The following NRN1 variants were observed in gnomAD, a reference collection of about 807,000 sequenced individuals.
The protein encoded by NRN1 is neuritin.
Under a neutral mutation model 15.0 loss-of-function variants are expected in NRN1, and 4 were observed. The observed-to-expected ratio is 0.27, with a 90% CI of 0.13 to 0.61. The LOEUF is 0.61. Ranked by LOEUF, NRN1 falls within the 20% of genes least tolerant of loss-of-function variation. The pLI is 0.87. For missense variants in NRN1, 134 were observed against 181.9 expected, an observed-to-expected ratio of 0.74 and a Z score of 1.51; for synonymous variants, 85 against 79.8, an observed-to-expected ratio of 1.07 and a Z score of -0.35.
intron 2 of NRN1, among the ~76,000 whole-genome samples, chr6:6,001,434 C>A (rs766142305): frequency 6.6e-6 from 1 of 152,142 alleles, no homozygotes; most frequent in Non-Finnish European, 1.5e-5. Flanking sequence ...AGGTCTGCAG[C>A]AGCTAGATTG....
At position 5,999,111 on chromosome 6, in the gene NRN1, G is replaced by C. The variant is rs781210020; in HGVS notation, c.294C>G (p.Ser98=). ...AGCTGCCTTGGATGTTGAGGTTTTT[G>C]GATTCTTTTCTCAGTTTATCCCACA... The part of the protein sequence containing the change: ...KDMWDKLRKE[S]KNLNIQGSLF... The change falls in exon 3 of 3, where the codon TCC becomes TCG. Residue 98 remains serine, a synonymous_variant. Transcript: ENST00000244766. 35 of 1,614,040 alleles carry C rather than the reference G, an allele frequency of 2.2e-5. No homozygotes were observed. In the Admixed American group the frequency reaches 5.2e-4, roughly 24 times the overall value.
intron 1 of NRN1, chr6:6,004,172 G>T: frequency 3.2e-6 from 1 of 310,380 alleles, no homozygotes; most frequent in Non-Finnish European, 4.8e-6. Flanking sequence ...CGCTGGGGCA[G>T]ATACGTAAAC....
At chr6:6,001,059 G>T (rs1237760149) in intron 2 of NRN1, among the ~76,000 whole-genome samples, 1 of 152,140 alleles carries the variant, frequency 6.6e-6, no homozygotes, top group African/African-American at 2.4e-5. Flanking sequence ...TATCCATCAC[G>T]AGACTTTTAG....
chr6:6,003,598 G>A (rs1273227177), intron 1 of NRN1: 4 of 705,926 alleles, frequency 5.7e-6, no homozygotes, highest in East Asian at 6.8e-5. Flanking sequence ...GGAGGAGGAG[G>A]AGGAGGAGGA....
chr6:6,003,081 C>T (rs974353056), intron 1 of NRN1: 14 of 750,598 alleles, frequency 1.9e-5, no homozygotes, highest in Non-Finnish European at 2.4e-5. Context: ...GCTCAGCAAA[C>T]ACTGCTGAAT....
intron 2 of NRN1, among the ~76,000 whole-genome samples, chr6:6,001,265 A>G (rs1328473490): frequency 6.6e-6 from 1 of 152,244 alleles, no homozygotes; most frequent in African/African-American, 2.4e-5. Context: ...ACTTCACAGT[A>G]TACAAATGAT....
upstream of NRN1, among the ~76,000 whole-genome samples, chr6:6,007,173 G>C (rs1284086029): frequency 6.6e-6 from 1 of 152,054 alleles, no homozygotes; most frequent in Admixed American, 6.5e-5. Context: ...ACGAAATTTT[G>C]CCTCCCGGGG....
intron 1 of NRN1, chr6:6,004,141 AC>A: frequency 9.3e-6 from 6 of 643,868 alleles, no homozygotes; most frequent in Non-Finnish European, 1.2e-5. Context: ...TGGGGAAGGG[AC>A]CGAGGTTAAC....
Position 5,998,877 on chromosome 6 carries a change from A to G in NRN1, c.*99T>C. On this transcript the variant is annotated 3_prime_UTR_variant, in exon 3 of 3. Transcript: ENST00000244766. ...TATATGAGTGTTTTCAGCATCACAG[A>G]GAATCACAACGTCCCCAAAGAACTA... is the stretch of plus-strand genomic sequence containing the variant. 1.3e-6 allele frequency: 1 copy of G among 769,480 alleles called. No homozygotes were observed. The highest frequency in any genetic ancestry group is 2.1e-6 in the Non-Finnish European group (1 of 470,436). The allele number at this position is 769,480 out of a possible 1,614,324, so 47.7% of individuals were successfully genotyped here.
rs2151035130 is a variant in NRN1, at chr6:6,006,687, C to T, written c.55+8G>A. On this transcript the variant is annotated splice_region_variant and intron_variant, in intron 1 of 2. Transcript: ENST00000244766. Reference sequence around the variant, plus strand: ...TCCAGCCTCCAGCCGGGCTGAGCGGCCACTTACCTATTTGCACCGCGAGGA... The same window carrying T: ...TCCAGCCTCCAGCCGGGCTGAGCGGTCACTTACCTATTTGCACCGCGAGGA... The T allele has an allele frequency of 3.1e-6, 5 of 1,613,816 alleles. No individual in the cohort carries two copies. The highest frequency in any genetic ancestry group is 3.3e-4 in the Middle Eastern group (2 of 6,040).
At chr6:5,999,489 G>A (rs926979135) in intron 2 of NRN1, among the ~76,000 whole-genome samples, 1 of 152,256 alleles carries the variant, frequency 6.6e-6, no homozygotes, top group Non-Finnish European at 1.5e-5. Context: ...GCCGGGAGCC[G>A]GGCCGTGCAC....
In NRN1 at chr6:6,002,120, A is replaced by G. The variant is rs145931038; in HGVS notation, c.200+233T>C. ...CGCGTAGAGCTGGGACTGGGTCTAT[A>G]TTGAAGGATCCTCCTCCATATCCCA... On this transcript the variant is annotated intron_variant, in intron 2 of 2. Coordinates refer to ENST00000244766, the MANE Select transcript of NRN1 (RefSeq NM_016588.3). 2.3e-3 allele frequency among the ~76,000 whole-genome samples: 354 copies of G among 152,286 alleles called. 7 individuals are homozygous for G. In the East Asian group the frequency reaches 0.06, roughly 26 times the overall value.
chr6:6,001,553 A>C (rs114396677), intron 2 of NRN1, among the ~76,000 whole-genome samples: 2 of 151,890 alleles, frequency 1.3e-5, no homozygotes, highest in African/African-American at 4.8e-5. Flanking sequence ...ATGAACTACT[A>C]CCCATCTCTC....
At chr6:6,004,165 T>G (rs1758044124) in intron 1 of NRN1, 1 of 352,500 alleles carries the variant, frequency 2.8e-6, no homozygotes, top group Non-Finnish European at 4.0e-6. Context: ...CGACCTCCGC[T>G]GGGGCAGATA....
intron 1 of NRN1, chr6:6,003,053 G>C (rs1197134462): frequency 1.7e-6 from 1 of 575,680 alleles, no homozygotes; most frequent in Non-Finnish European, 2.6e-6. Context: ...CAGGCTTGGC[G>C]CTCTGTCCTT....
At chr6:6,002,118 A>G (rs142471654) in intron 2 of NRN1, among the ~76,000 whole-genome samples, 13 of 152,342 alleles carry the variant, frequency 8.5e-5, no homozygotes, top group Admixed American at 2.0e-4. Context: ...GACTGGGTCT[A>G]TATTGAAGGA....
At position 5,999,062 on chromosome 6, in the gene NRN1, T is replaced by A. The variant is rs1757855074; in HGVS notation, c.343A>T (p.Asn115Tyr). ...GGGAGCAGGGACCCCGCCGCCCCGT[T>A]GCCGCTGCCGCAGAGTTCGAATAAG... is the stretch of plus-strand genomic sequence containing the variant. ...GSLFELCGSGNGAAGSLLPAF... is the reference protein window; with the variant it reads ...GSLFELCGSGYGAAGSLLPAF... Residue 115 changes from asparagine (N) to tyrosine (Y), a missense_variant, in exon 3 of 3, where the codon AAC becomes TAC. Coordinates refer to ENST00000244766, the MANE Select transcript of NRN1 (RefSeq NM_016588.3). The A allele has an allele frequency of 6.2e-7, 1 of 1,613,964 alleles. No homozygotes were observed. Among genetic ancestry groups the A allele is most frequent in the African/African-American group, 1.3e-5 (1 of 74,930 alleles).
At chr6:6,000,720 CTCTTT>C (rs1757919546) in intron 2 of NRN1, among the ~76,000 whole-genome samples, 2 of 72,882 alleles carry the variant, frequency 2.7e-5, no homozygotes. Context: ...GCCTAAATTG[CTCTTT>C]TTTTTTTTTT....
intron 1 of NRN1, among the ~76,000 whole-genome samples, chr6:6,005,053 C>T (rs1166846825): frequency 6.6e-6 from 1 of 152,040 alleles, no homozygotes; most frequent in African/African-American, 2.4e-5. Flanking sequence ...ATTTCAATTC[C>T]ACAGTCAACA....
Sources: gnomAD v4.1 joint callset for allele counts (sites outside exome capture counted in the v4.1 genomes callset) on GRCh38, gnomAD v4.1.1 for gene constraint, MANE v1.5 for transcripts, NCBI Gene and HGNC (gene_info 2026-07-23, HGNC 2026-07-21) for gene names.